The following COL4A6 variants were observed in gnomAD, a reference collection of about 807,000 sequenced individuals.
COL4A6 encodes the protein collagen alpha-6(IV) chain.
COL4A6 carries 59 observed loss-of-function variants against 126.7 expected under a neutral mutation model. The ratio of observed to expected loss-of-function variants is 0.47; its 90% CI spans 0.38 to 0.58. The LOEUF (loss-of-function observed/expected upper bound fraction) is 0.58. Ranked by LOEUF, COL4A6 falls within the 20% of genes least tolerant of loss-of-function variation. The pLI, the probability that COL4A6 is intolerant of heterozygous loss-of-function variation, is 0.00. For synonymous variants in COL4A6, 547 were observed against 496.6 expected, an observed-to-expected ratio of 1.10 and a Z score of -1.35; for missense variants, 1,285 against 1,337.3, an observed-to-expected ratio of 0.96 and a Z score of 0.61.
intron 6 of COL4A6, 87 bp from the exon 7 acceptor site, chrX:108,211,827 A>G: frequency 1.1e-6 from 1 of 917,786 alleles, no homozygotes; most frequent in Non-Finnish European, 1.6e-6. Context: ...AGGATGGGAC[A>G]GCAAGAGCCT....
At chrX:108,310,183 T>C (rs1821963396) in intron 3 of COL4A6, among the ~76,000 whole-genome samples, 1 of 112,023 alleles carries the variant, frequency 8.9e-6, no homozygotes, top group Non-Finnish European at 1.9e-5. Flanking sequence ...GAACTGTGCA[T>C]TGCTAATGAG....
At chrX:108,366,461 A>C (rs144515185) in intron 2 of COL4A6, among the ~76,000 whole-genome samples, 3,465 of 111,896 alleles carry the variant, frequency 0.031, 126 homozygotes, top group African/African-American at 0.11. Context: ...ACTGCAGCTC[A>C]TTATCTGGTT....
Position 108,156,822 on chromosome X carries a change from T to C in COL4A6, c.*178A>G, listed in dbSNP as rs769195490. On this transcript the variant is annotated 3_prime_UTR_variant, in exon 45 of 45. Coordinates refer to ENST00000334504, the MANE Select transcript of COL4A6 (RefSeq NM_033641.4). The stretch of plus-strand genomic sequence containing the variant: ...AGCAGATCTCAGCAGGGTGGGCTCA[T>C]CTCTATGGACCCGAGGGCTGGGGTG... 10 of 491,661 alleles carry C rather than the reference T, an allele frequency of 2.0e-5. No homozygotes were observed. In the South Asian group the frequency reaches 3.1e-4, roughly 15 times the overall value. The allele number at this position is 491,661 out of a possible 1,213,427, so 40.5% of individuals were successfully genotyped here. A position where few individuals can be genotyped will look rare whatever the true frequency, so the allele number is the denominator to read the frequency against.
At chrX:108,256,129 T>C (rs966514885) in intron 3 of COL4A6, among the ~76,000 whole-genome samples, 1 of 112,346 alleles carries the variant, frequency 8.9e-6, no homozygotes, top group Non-Finnish European at 1.9e-5. Flanking sequence ...AAATCTTTTG[T>C]ATTCTAATTG....
chrX:108,272,514 T>C (rs2037479629), intron 3 of COL4A6, among the ~76,000 whole-genome samples: 1 of 111,414 alleles, frequency 9.0e-6, no homozygotes, highest in Admixed American at 9.6e-5. Context: ...ATAGCCAGCC[T>C]CAAATTTCTA....
intron 14 of COL4A6, 138 bp from the exon 15 acceptor site, chrX:108,195,264 T>C: frequency 2.6e-6 from 1 of 384,832 alleles, no homozygotes; most frequent in Admixed American, 4.4e-5. Flanking sequence ...TTCCTAGACC[T>C]AGCTTAACGA....
intron 2 of COL4A6, among the ~76,000 whole-genome samples, chrX:108,354,213 A>G (rs2039906776): frequency 9.0e-6 from 1 of 111,619 alleles, no homozygotes; most frequent in Admixed American, 9.5e-5. Flanking sequence ...GATTAATACA[A>G]GGGAGGAGGA....
chrX:108,429,494 T>C (rs966301851), intron 2 of COL4A6, among the ~76,000 whole-genome samples: 1 of 111,625 alleles, frequency 9.0e-6, no homozygotes, highest in Non-Finnish European at 1.9e-5. Flanking sequence ...AAAATACACA[T>C]ACAAATAAGT....
At chrX:108,432,051 A>G (rs1166769727) in intron 2 of COL4A6, among the ~76,000 whole-genome samples, 1 of 112,759 alleles carries the variant, frequency 8.9e-6, no homozygotes, top group East Asian at 2.8e-4. Context: ...GGATGACTGC[A>G]TATACGGTGG....
At chrX:108,340,208 C>G (rs958767620) in intron 2 of COL4A6, among the ~76,000 whole-genome samples, 1 of 111,782 alleles carries the variant, frequency 8.9e-6, no homozygotes, top group African/African-American at 3.3e-5. Context: ...TGGAAATGCT[C>G]TATATCTGTG....
intron 2 of COL4A6, among the ~76,000 whole-genome samples, chrX:108,319,745 C>T (rs1174833368): frequency 8.9e-6 from 1 of 111,734 alleles, no homozygotes; most frequent in Admixed American, 9.5e-5. Context: ...TCCAGGATAG[C>T]CAATTATCTA....
intron 5 of COL4A6, 92 bp downstream of exon 5, chrX:108,219,606 C>T (rs1014826532): frequency 7.6e-6 from 6 of 792,733 alleles, no homozygotes; most frequent in Non-Finnish European, 1.1e-5. Flanking sequence ...AGCATGCTTG[C>T]ATGAGACAGG....
At chrX:108,425,167 A>ATGTGTGTGTGTG (rs3081000) in intron 2 of COL4A6, among the ~76,000 whole-genome samples, 1 of 89,224 alleles carries the variant, frequency 1.1e-5, no homozygotes, top group Admixed American at 1.3e-4. Context: ...AGTTAACTGT[A>ATGTGTGTGTGTG]TGTGTGTGTG....
chrX:108,213,044 A>AC (rs1241182844), intron 6 of COL4A6, among the ~76,000 whole-genome samples: 2 of 109,822 alleles, frequency 1.8e-5, no homozygotes, highest in South Asian at 4.0e-4. Context: ...TTACCTCCCC[A>AC]CCCCCCGGCA....
intron 2 of COL4A6, among the ~76,000 whole-genome samples, chrX:108,365,625 C>G (rs1460407709): frequency 8.9e-6 from 1 of 112,142 alleles, no homozygotes; most frequent in African/African-American, 3.2e-5. Flanking sequence ...GCTAAATGCC[C>G]TAAAAGTCCA....
chrX:108,209,940 G>T, intron 8 of COL4A6, 29 bp downstream of exon 8: 1 of 1,202,409 alleles, frequency 8.3e-7, no homozygotes, highest in Non-Finnish European at 1.1e-6. Flanking sequence ...AGTCAACACT[G>T]AGAGCTCAAC....
At chrX:108,373,823 C>T (rs1032834602) in intron 2 of COL4A6, among the ~76,000 whole-genome samples, 1 of 112,311 alleles carries the variant, frequency 8.9e-6, no homozygotes, top group African/African-American at 3.2e-5. Flanking sequence ...ACTAGCTTAA[C>T]TTCCTCAGAT....
At chrX:108,346,335 T>C (rs1237563290) in intron 2 of COL4A6, among the ~76,000 whole-genome samples, 2 of 111,375 alleles carry the variant, frequency 1.8e-5, no homozygotes, top group African/African-American at 6.5e-5. Flanking sequence ...GGTGAAATTA[T>C]TTTCTTAAGG....
intron 2 of COL4A6, among the ~76,000 whole-genome samples, chrX:108,347,593 C>A (rs2039738175): frequency 9.0e-6 from 1 of 111,367 alleles, no homozygotes; most frequent in Admixed American, 9.6e-5. Context: ...CTTTACCTTA[C>A]CTTCTGGTAA....
Sources: allele counts gnomAD v4.1 joint callset (sites outside exome capture counted in the v4.1 genomes callset), GRCh38; gene constraint gnomAD v4.1.1; transcripts MANE v1.5; gene names NCBI Gene and HGNC (gene_info 2026-07-23, HGNC 2026-07-21).